CCDC88C: variants seen among roughly 807,000 people sequenced by gnomAD.
CCDC88C encodes coiled-coil and HOOK domain protein 88C.
In CCDC88C, 131 loss-of-function variants were observed where a neutral mutation model predicts 198.8. The ratio of observed to expected loss-of-function variants is 0.66; its 90% CI spans 0.57 to 0.76. The LOEUF (loss-of-function observed/expected upper bound fraction) is 0.76. Among genes scored for constraint, CCDC88C ranks in the 30% least tolerant of loss-of-function variants. The probability of loss-of-function intolerance (pLI) is 0.00; values close to 1 mark genes in which losing one functional copy is unlikely to be tolerated. For missense variants in CCDC88C, 2,553 were observed against 2,631.6 expected (o/e 0.97, Z 0.65); for synonymous variants, 1,166 against 1,114.7 (o/e 1.05, Z -0.92).
intron 14 of CCDC88C, among the ~76,000 whole-genome samples, chr14:91,314,643 G>C (rs1347970101): frequency 6.6e-6 from 1 of 152,188 alleles, no homozygotes; most frequent in Non-Finnish European, 1.5e-5. Flanking sequence ...TTCTAAGGTA[G>C]CCGTGTATCC....
In CCDC88C at chr14:91,338,804, C is replaced by T. The variant is rs1893175429; in HGVS notation, c.810-234G>A. ...TATGTCCATCCGCCACTCAGGTCTC[C>T]CTCCCTGTGTGTGGGGCAGGTAAGG... is the stretch of plus-strand genomic sequence containing the variant. On this transcript the variant is annotated intron_variant, in intron 8 of 29. Transcript: ENST00000389857. The surrounding 1 kb of genome is among the most constrained non-coding windows in gnomAD (Gnocchi z 4.8). The T allele has an allele frequency of 1.8e-6, 1 of 541,540 alleles. No homozygotes were observed. Among genetic ancestry groups the T allele is most frequent in the South Asian group, 2.1e-5 (1 of 47,422 alleles). 33.5% of individuals were successfully genotyped at this position (541,540 alleles called of 1,614,324 possible).
At chr14:91,361,050 GAGCCC>G (rs1430241782) in intron 3 of CCDC88C, among the ~76,000 whole-genome samples, 9 of 151,194 alleles carry the variant, frequency 6.0e-5, no homozygotes, top group African/African-American at 2.2e-4. Context: ...AGGATTGCTT[GAGCCC>G]AGGAGTTCCA....
At chr14:91,399,270 C>T (rs1346354615) in intron 3 of CCDC88C, among the ~76,000 whole-genome samples, 2 of 152,142 alleles carry the variant, frequency 1.3e-5, no homozygotes, top group Non-Finnish European at 2.9e-5. Context: ...TGGCTTGCTC[C>T]CCACTAAGCC....
At chr14:91,396,158 CA>C (rs971658900) in intron 3 of CCDC88C, among the ~76,000 whole-genome samples, 2 of 152,174 alleles carry the variant, frequency 1.3e-5, no homozygotes, top group African/African-American at 4.8e-5. Context: ...AGCTGAATAA[CA>C]AAAACTGTTA....
chr14:91,362,931 G>GAAA (rs201994753), intron 3 of CCDC88C, among the ~76,000 whole-genome samples: 3 of 123,804 alleles, frequency 2.4e-5, no homozygotes. Flanking sequence ...TCCATCTCAG[G>GAAA]AAAAAAAAAA....
chr14:91,356,044 GC>G (rs1894026789), intron 4 of CCDC88C, among the ~76,000 whole-genome samples: 1 of 151,968 alleles, frequency 6.6e-6, no homozygotes, highest in African/African-American at 2.4e-5. Flanking sequence ...TAGTCAAAAA[GC>G]ACACACATGC....
Position 91,417,728 on chromosome 14 carries a change from C to A in CCDC88C, c.-38G>T, listed in dbSNP as rs767858927. The stretch of plus-strand genomic sequence containing the variant: ...CCCGCCGGCTCCGCGCCCCCCGCCC[C>A]GCGTCCCCGTTCCCCCGCGCCGCGG... On this transcript the variant is annotated 5_prime_UTR_variant, in exon 1 of 30. Coordinates refer to ENST00000389857, the MANE Select transcript of CCDC88C (RefSeq NM_001080414.4). The A allele has an allele frequency of 1.4e-6, 2 of 1,469,708 alleles. No individual in the cohort carries two copies. Among genetic ancestry groups the A allele is most frequent in the Non-Finnish European group, 1.8e-6 (2 of 1,108,792 alleles). The allele number at this position is 1,469,708 out of a possible 1,614,324, so 91.0% of individuals were successfully genotyped here.
At chr14:91,329,945 C>G (rs758847431) in intron 10 of CCDC88C, among the ~76,000 whole-genome samples, 1 of 152,224 alleles carries the variant, frequency 6.6e-6, no homozygotes, top group East Asian at 1.9e-4. Context: ...GTCTCTGTCA[C>G]AACTACTCAA....
chr14:91,404,277 C>T (rs1886364287), intron 3 of CCDC88C, among the ~76,000 whole-genome samples: 1 of 152,220 alleles, frequency 6.6e-6, no homozygotes, highest in African/African-American at 2.4e-5. Flanking sequence ...ACCGCATCCT[C>T]TCCTTCCCCT....
chr14:91,398,075 C>T (rs1885957518), intron 3 of CCDC88C, among the ~76,000 whole-genome samples: 2 of 152,154 alleles, frequency 1.3e-5, no homozygotes, highest in African/African-American at 4.8e-5. Context: ...TCTAAAGCCC[C>T]CAGCATGGGC....
At chr14:91,300,176 C>G in intron 20 of CCDC88C, 106 bp from the exon 21 acceptor site, 2 of 1,457,096 alleles carry the variant, frequency 1.4e-6, no homozygotes, top group Non-Finnish European at 1.8e-6. Flanking sequence ...AATGGGATTC[C>G]TCTGGAGAGT....
chr14:91,344,287 G>C (rs1336899442), intron 4 of CCDC88C, among the ~76,000 whole-genome samples: 1 of 152,056 alleles, frequency 6.6e-6, no homozygotes, highest in Non-Finnish European at 1.5e-5. Flanking sequence ...ACTCCCACAG[G>C]AAATACTGAG....
chr14:91,383,128 A>C (rs748171298), intron 3 of CCDC88C, among the ~76,000 whole-genome samples: 3 of 152,188 alleles, frequency 2.0e-5, no homozygotes, highest in Non-Finnish European at 4.4e-5. Flanking sequence ...TGCAGCCTCC[A>C]GCTTTCTTAT....
At chr14:91,387,495 C>T (rs542734140) in intron 3 of CCDC88C, among the ~76,000 whole-genome samples, 1 of 152,350 alleles carries the variant, frequency 6.6e-6, no homozygotes, top group South Asian at 2.1e-4. Flanking sequence ...ATGACAGTTG[C>T]CGCCTATAAG....
chr14:91,290,502 G>C (rs867531495), intron 24 of CCDC88C, among the ~76,000 whole-genome samples: 9 of 152,216 alleles, frequency 5.9e-5, no homozygotes, highest in Non-Finnish European at 1.3e-4. Context: ...GAGAGCTGCT[G>C]CTCTCTGGGG....
chr14:91,283,480 G>A lies in CCDC88C; in HGVS notation c.4479C>T (p.His1493=). ...CATCTGTGCGGTCAAGGCTGCCTCT[G>A]TGTGGGGAGCCTCGCTTTGGTTTTA... ...GDLKPKRGSP[H]RGSLDRTDAS... is the part of the protein sequence containing the mutation. Residue 1493 remains histidine (H), a synonymous_variant, in exon 26 of 30, where the codon CAC becomes CAT. Transcript: ENST00000389857. 3 of 1,612,834 alleles carry A rather than the reference G, an allele frequency of 1.9e-6. No homozygotes were observed. The highest frequency in any genetic ancestry group is 2.5e-6 in the Non-Finnish European group (3 of 1,179,476).
chr14:91,276,472 A>G (rs1276699551), intron 29 of CCDC88C, among the ~76,000 whole-genome samples: 1 of 152,282 alleles, frequency 6.6e-6, no homozygotes, highest in East Asian at 1.9e-4. Context: ...GGCTGGGCAC[A>G]GCACATGCAG....
At chr14:91,366,415 C>T (rs987240777) in intron 3 of CCDC88C, among the ~76,000 whole-genome samples, 5 of 151,842 alleles carry the variant, frequency 3.3e-5, no homozygotes, top group East Asian at 3.9e-4. Context: ...GAACCCGGGA[C>T]GCAGAGATTG....
intron 17 of CCDC88C, among the ~76,000 whole-genome samples, chr14:91,307,541 G>A (rs560436047): frequency 6.6e-6 from 1 of 152,354 alleles, no homozygotes; most frequent in South Asian, 2.1e-4. Flanking sequence ...ACAGAGGTGA[G>A]GCTGAGGATA....
Sources: allele counts gnomAD v4.1 joint callset (sites outside exome capture counted in the v4.1 genomes callset), GRCh38; gene constraint gnomAD v4.1.1; non-coding constraint Gnocchi (gnomAD v3.1); transcripts MANE v1.5; gene names NCBI Gene and HGNC (gene_info 2026-07-23, HGNC 2026-07-21).